Variants in CPAMD8 observed in about 807,000 individuals in gnomAD.
CPAMD8 encodes C3 and PZP like alpha-2-macroglobulin domain containing 8.
CPAMD8 carries 146 observed loss-of-function variants against 224.7 expected under a neutral mutation model. The ratio of observed to expected loss-of-function variants is 0.65; its 90% CI spans 0.57 to 0.75. The LOEUF (loss-of-function observed/expected upper bound fraction) is 0.75. Ranked by LOEUF, CPAMD8 falls within the 30% of genes least tolerant of loss-of-function variation. The pLI is 0.00. For synonymous variants in CPAMD8, 966 were observed against 1,044.6 expected (o/e 0.92, Z 1.45); for missense variants, 2,301 against 2,537.5 (o/e 0.91, Z 2.00).
chr19:17,019,971 C>T (rs865919872), intron 3 of CPAMD8, among the ~76,000 whole-genome samples: 772 of 96,482 alleles, frequency 8.0e-3, no homozygotes, highest in Non-Finnish European at 9.7e-3. Context: ...TTTTTCTTTT[C>T]TTTTTTTTTT....
chr19:16,905,023 T>A (rs1228353029), intron 30 of CPAMD8, among the ~76,000 whole-genome samples: 1 of 148,908 alleles, frequency 6.7e-6, no homozygotes, highest in African/African-American at 2.5e-5. Context: ...AGTGGCTCAT[T>A]TGAGGTCAGG....
rs774658933 is a variant in CPAMD8, at chr19:16,914,718, TG to T, written c.3724del (p.Gln1242SerfsTer16). On this transcript the variant is annotated frameshift_variant, in exon 28 of 42. Coordinates refer to ENST00000443236, the MANE Select transcript of CPAMD8 (RefSeq NM_015692.5). LOFTEE classifies it high-confidence loss of function. ...ELAAAKSWII[Q>X]QQQADGSFLA... ...GAAGGAGCCATCGGCCTGCTGCTGC[TG>T]GATGATCCAGCTCTTGGCGGCAGCC... 11 of 1,613,924 alleles carry T rather than the reference TG, an allele frequency of 6.8e-6. No homozygotes were observed. Among genetic ancestry groups the T allele is most frequent in the Non-Finnish European group, 8.5e-6 (10 of 1,179,974 alleles).
Position 16,989,381 on chromosome 19 carries a change from G to A in CPAMD8, c.1395+262C>T, listed in dbSNP as rs550518195. 1.1e-4 allele frequency among the ~76,000 whole-genome samples: 17 copies of A among 152,132 alleles called. No homozygotes were observed. The South Asian group carries it at 3.5e-3, about 32-fold the overall frequency. On this transcript the variant is annotated intron_variant, in intron 13 of 41. Coordinates refer to ENST00000443236, the MANE Select transcript of CPAMD8 (RefSeq NM_015692.5). ...AGCTCACTGCAACCTCTGCCTCCCG[G>A]GTTCAAGCAATTCTCCTGCCTCAGC...
chr19:16,903,878 G>A (rs569812859), intron 32 of CPAMD8, 21 bp from the exon 33 acceptor site: 11 of 1,610,276 alleles, frequency 6.8e-6, no homozygotes, highest in Admixed American at 1.7e-5. Context: ...AGGAGGAGAC[G>A]GCCATCAACC....
Position 16,902,784 on chromosome 19 carries a change from G to A in CPAMD8, c.4550C>T (p.Ala1517Val), listed in dbSNP as rs757698373. Residue 1517 changes from alanine to valine, a missense_variant, in exon 35 of 42, where the codon GCC (alanine) becomes GTC (valine). Transcript: ENST00000443236. ...AGGCATGGGGGGCGGGCGTCCCTGGGCCTCAGGCTCCTGGAGGCTTACGAG... is the reference window on the plus strand; with the variant it reads ...AGGCATGGGGGGCGGGCGTCCCTGGACCTCAGGCTCCTGGAGGCTTACGAG... ...QLLVSLQEPE[A>V]QGRPPPMPAS... The A allele has an allele frequency of 6.3e-7, 1 of 1,589,608 alleles. No individual in the cohort carries two copies. Among genetic ancestry groups the A allele is most frequent in the Non-Finnish European group, 8.6e-7 (1 of 1,164,126 alleles).
intron 21 of CPAMD8, 87 bp downstream of exon 21, chr19:16,946,987 C>T (rs2054123139): frequency 7.2e-7 from 1 of 1,393,848 alleles, no homozygotes; most frequent in Non-Finnish European, 9.8e-7. Context: ...GCTGCCCCAT[C>T]CACCCCTCAT....
intron 7 of CPAMD8, among the ~76,000 whole-genome samples, chr19:17,005,293 T>G (rs1356806172): frequency 6.6e-6 from 1 of 152,114 alleles, no homozygotes; most frequent in East Asian, 1.9e-4. Context: ...AGATGCCAGT[T>G]GCACCCCTTG....
chr19:16,988,044 TAC>T (rs1003877779), intron 13 of CPAMD8, among the ~76,000 whole-genome samples: 5 of 151,948 alleles, frequency 3.3e-5, no homozygotes, highest in African/African-American at 1.2e-4. Flanking sequence ...AAAAGAAAAA[TAC>T]ACACACACAC....
chr19:16,898,220 C>T lies in CPAMD8; in HGVS notation c.4849-226G>A, dbSNP rs2052111258. ...AGTGCAGTGGCGTGATCTCGGCTCA[C>T]TGCAAGCTCGGCCTCCTGGGTTCAA... On this transcript the variant is annotated intron_variant, in intron 37 of 41. Transcript: ENST00000443236. The surrounding 1 kb of genome is among the most constrained non-coding windows in gnomAD (Gnocchi z 4.2). The T allele has an allele frequency of 6.4e-6, 3 of 467,742 alleles. No homozygotes were observed. The highest frequency in any genetic ancestry group is 3.8e-6 in the Non-Finnish European group (1 of 266,152). The allele number at this position is 467,742 out of a possible 1,614,324, so 29.0% of individuals were successfully genotyped here. A position where few individuals can be genotyped will look rare whatever the true frequency, so the allele number is the denominator to read the frequency against.
intron 13 of CPAMD8, among the ~76,000 whole-genome samples, chr19:16,984,330 A>AAAGAG (rs397746911): frequency 2.3e-5 from 3 of 132,558 alleles, no homozygotes; most frequent in Non-Finnish European, 4.6e-5. Flanking sequence ...AAAAAAAAAA[A>AAAGAG]AGAGAGAGAG....
intron 41 of CPAMD8, 119 bp downstream of exon 41, chr19:16,896,057 T>C (rs1225886590): frequency 1.1e-6 from 1 of 877,586 alleles, no homozygotes; most frequent in East Asian, 3.1e-5. Context: ...CCACTGCCAG[T>C]GGGGGGTCGG....
rs1008734971 is a variant in CPAMD8, at chr19:16,896,587, T to A, written c.5144A>T (p.Asp1715Val). ...AAIARCGCDHDCGAQGNPVCG... is the reference protein window; with the variant it reads ...AAIARCGCDHVCGAQGNPVCG... ...CACCGGGTTCCCCTGGGCGCCGCAG[T>A]CGTGGTCGCAGCCGCATCGCGCGAT... Residue 1715 changes from aspartate (D) to valine (V), a missense_variant, in exon 40 of 42, where the codon GAC becomes GTC. Transcript: ENST00000443236. 9.3e-5 allele frequency: 140 copies of A among 1,512,008 alleles called. No individual in the cohort carries two copies. The highest frequency in any genetic ancestry group is 1.1e-4 in the Non-Finnish European group (130 of 1,136,582). 93.7% of individuals were successfully genotyped at this position (1,512,008 alleles called of 1,614,324 possible). A position where few individuals can be genotyped will look rare whatever the true frequency, so the allele number is the denominator to read the frequency against.
intron 36 of CPAMD8, among the ~76,000 whole-genome samples, chr19:16,900,464 G>T (rs1474499370): frequency 6.6e-6 from 1 of 151,796 alleles, no homozygotes; most frequent in East Asian, 1.9e-4. Flanking sequence ...TGGGCGTGGT[G>T]GTGCATGCCT....
Position 16,898,149 on chromosome 19 carries a change from T to TC in CPAMD8, c.4849-156_4849-155insG, listed in dbSNP as rs2144701546. The TC allele has an allele frequency of 1.2e-5, 7 of 596,758 alleles. No individual in the cohort carries two copies. Among genetic ancestry groups the TC allele is most frequent in the South Asian group, 8.5e-5 (4 of 47,122 alleles). 37.0% of individuals were successfully genotyped at this position (596,758 alleles called of 1,614,324 possible). A position where few individuals can be genotyped will look rare whatever the true frequency, so the allele number is the denominator to read the frequency against. ...TCTTTTTTTCTTTTACTTTTCTTTT[T>TC]TTTTTTTTTTCCTGAGACAGAGTCT... On this transcript the variant is annotated intron_variant, in intron 37 of 41. Transcript: ENST00000443236. The surrounding 1 kb of genome is among the most constrained non-coding windows in gnomAD (Gnocchi z 4.2).
rs778177768 is a variant in CPAMD8, at chr19:16,892,954, G to A, written c.*154C>T. The A allele has an allele frequency of 2.6e-6, 2 of 760,358 alleles. No homozygotes were observed. The highest frequency in any genetic ancestry group is 1.4e-5 in the South Asian group (1 of 73,606). 47.1% of individuals were successfully genotyped at this position (760,358 alleles called of 1,614,324 possible). On this transcript the variant is annotated 3_prime_UTR_variant, in exon 42 of 42. Coordinates refer to ENST00000443236, the MANE Select transcript of CPAMD8 (RefSeq NM_015692.5). ...AGTTCATGTGCACCCCAGAACATGT[G>A]AGTAAGATCAGTAACGTGTATTCTT...
intron 18 of CPAMD8, among the ~76,000 whole-genome samples, chr19:16,959,599 G>A (rs2054584910): frequency 6.6e-6 from 1 of 150,988 alleles, no homozygotes; most frequent in African/African-American, 2.4e-5. Context: ...GGAGTGCAAT[G>A]GCACAATCTC....
chr19:17,008,104 G>A (rs2056543085), intron 7 of CPAMD8, among the ~76,000 whole-genome samples: 1 of 152,252 alleles, frequency 6.6e-6, no homozygotes, highest in African/African-American at 2.4e-5. Context: ...GGGAGGCAGA[G>A]GTTGCAGTGA....
chr19:16,930,032 A>G (rs1044579194), intron 23 of CPAMD8, among the ~76,000 whole-genome samples: 5 of 152,136 alleles, frequency 3.3e-5, no homozygotes, highest in Admixed American at 2.6e-4. Context: ...AGGCAGGTGG[A>G]CCACCTGAGA....
intron 27 of CPAMD8, among the ~76,000 whole-genome samples, chr19:16,915,813 C>A (rs1175260646): frequency 7.3e-6 from 1 of 136,706 alleles, no homozygotes; most frequent in Admixed American, 7.7e-5. Context: ...GCCTGCCCGC[C>A]TGCCCGCCTG....
Sources: allele counts gnomAD v4.1 joint callset (sites outside exome capture counted in the v4.1 genomes callset), GRCh38; gene constraint gnomAD v4.1.1; non-coding constraint Gnocchi (gnomAD v3.1); transcripts MANE v1.5; gene names NCBI Gene and HGNC (gene_info 2026-07-23, HGNC 2026-07-21).